The following RASSF3 variants were observed in gnomAD, a reference collection of about 807,000 sequenced individuals.
RASSF3 encodes Ras association domain family member 3, also known as ras association domain-containing protein 3.
A neutral mutation model predicts 19.9 loss-of-function variants in RASSF3; 19 were observed. The ratio of observed to expected loss-of-function variants is 0.96; its 90% CI spans 0.67 to 1.40. The LOEUF (loss-of-function observed/expected upper bound fraction) is 1.40. RASSF3 is among the 40% of genes most tolerant of loss of function. RASSF3 has a pLI of 0.00. For missense variants in RASSF3, 306 were observed against 289.8 expected (o/e 1.06, Z -0.41); for synonymous variants, 110 against 104.2 (o/e 1.06, Z -0.34).
Position 64,561,436 on chromosome 12 carries a change from C to A in RASSF3, c.294+19731C>A, listed in dbSNP as rs538710691. 6.6e-5 allele frequency among the ~76,000 whole-genome samples: 10 copies of A among 152,276 alleles called. No homozygotes were observed. In the South Asian group the frequency reaches 2.1e-3, roughly 32 times the overall value. On this transcript the variant is annotated intron_variant, in intron 2 of 5. Transcript: ENST00000637125. ...ATTGCCGCACATTTGGCATTTCTGG[C>A]CCCAGGGACTAGATGCCAGTATTCT... is the stretch of plus-strand genomic sequence containing the variant.
At chr12:64,514,361 A>G (rs1235827207) in intron 1 of RASSF3, among the ~76,000 whole-genome samples, 1 of 146,732 alleles carries the variant, frequency 6.8e-6, no homozygotes, top group South Asian at 2.2e-4. Flanking sequence ...TAATTTATGT[A>G]TTTTTAGTAG....
chr12:64,638,065 C>T (rs368943692), intron 1 of RASSF3, among the ~76,000 whole-genome samples: 4 of 151,730 alleles, frequency 2.6e-5, no homozygotes, highest in East Asian at 2.0e-4. Flanking sequence ...CTCTTGACCT[C>T]GTGATCTGCC....
rs1212993513 is a variant in RASSF3, at chr12:64,610,578, C to A, written c.-55C>A. ...GCGGGGCTGGCGGGCGCCGCACCCC[C>A]TCCCTGGCCGCCTGCGCCCCGGGGA... On this transcript the variant is annotated 5_prime_UTR_variant, in exon 1 of 5. Transcript: ENST00000542104. The A allele has an allele frequency of 1.4e-5, 15 of 1,086,192 alleles. No individual in the cohort carries two copies. The highest frequency in any genetic ancestry group is 2.2e-5 in the South Asian group (1 of 45,584). 67.3% of individuals were successfully genotyped at this position (1,086,192 alleles called of 1,614,324 possible).
intron 2 of RASSF3, among the ~76,000 whole-genome samples, chr12:64,552,769 T>G (rs1869186844): frequency 1.3e-5 from 2 of 152,194 alleles, no homozygotes; most frequent in Admixed American, 6.6e-5. Context: ...CTTTATCCAG[T>G]CTATCATTGG....
At chr12:64,542,972 T>C (rs1174053754), downstream of RASSF3, among the ~76,000 whole-genome samples, 1 of 151,372 alleles carries the variant, frequency 6.6e-6, no homozygotes, top group Non-Finnish European at 1.5e-5. Flanking sequence ...GCCAGCTAGA[T>C]AGAGTTCCGG....
intron 2 of RASSF3, among the ~76,000 whole-genome samples, chr12:64,596,752 G>A (rs551927426): frequency 2.0e-5 from 3 of 152,032 alleles, no homozygotes; most frequent in East Asian, 1.9e-4. Context: ...TTTTTGAGAC[G>A]GAGTTTTGCT....
At chr12:64,558,226 C>T (rs188229639) in intron 2 of RASSF3, among the ~76,000 whole-genome samples, 1 of 152,126 alleles carries the variant, frequency 6.6e-6, no homozygotes, top group Admixed American at 6.6e-5. Flanking sequence ...TGGGATGATG[C>T]CTGGGCTCCA....
At chr12:64,694,724 T>TTAA (rs769399984) in intron 4 of RASSF3, 39 bp from the exon 5 acceptor site, 10 of 1,611,730 alleles carry the variant, frequency 6.2e-6, no homozygotes, top group Non-Finnish European at 8.5e-6. Flanking sequence ...TAACTGAGTA[T>TTAA]TAAACATCTG....
chr12:64,627,297 C>T (rs1243207241), intron 1 of RASSF3, among the ~76,000 whole-genome samples: 3 of 152,114 alleles, frequency 2.0e-5, no homozygotes, highest in African/African-American at 7.2e-5. Context: ...TCTGCAAAGT[C>T]GTGATTTGTG....
chr12:64,647,142 T>A lies in RASSF3; in HGVS notation c.111+36399T>A, dbSNP rs114573655. On this transcript the variant is annotated intron_variant, in intron 1 of 4. Transcript: ENST00000542104. The stretch of plus-strand genomic sequence containing the variant: ...TTAGGATTTACTAACCCAATTTCTT[T>A]TATCTTTTAAACTGAGAATCCCTCC... Among the ~76,000 whole-genome samples the A allele has an allele frequency of 3.1e-3, 468 of 152,298 alleles. 1 individual carries two copies. The highest frequency in any genetic ancestry group is 0.011 in the African/African-American group (447 of 41,572).
At chr12:64,686,867 T>G (rs1873377859) in intron 2 of RASSF3, among the ~76,000 whole-genome samples, 1 of 152,182 alleles carries the variant, frequency 6.6e-6, no homozygotes, top group South Asian at 2.1e-4. Context: ...AAAATTGATC[T>G]TGTGGGAAGG....
intron 1 of RASSF3, chr12:64,622,702 A>G: frequency 4.0e-6 from 1 of 251,962 alleles, no homozygotes; most frequent in Non-Finnish European, 7.9e-6. Flanking sequence ...TCTTTTTATC[A>G]AGTGAATCTT....
intron 1 of RASSF3, among the ~76,000 whole-genome samples, chr12:64,614,509 G>A (rs1204890346): frequency 6.6e-6 from 1 of 152,116 alleles, no homozygotes; most frequent in Non-Finnish European, 1.5e-5. Context: ...ATGAAAGGGG[G>A]AGGTATTATT....
intron 1 of RASSF3, among the ~76,000 whole-genome samples, chr12:64,619,994 AAG>A (rs982639404): frequency 1.3e-4 from 8 of 60,282 alleles, no homozygotes; most frequent in African/African-American, 1.9e-4. Flanking sequence ...AAAAAAAAAA[AAG>A]AAATTAGTGC....
intron 1 of RASSF3, among the ~76,000 whole-genome samples, chr12:64,516,503 C>T (rs996849974): frequency 2.9e-4 from 43 of 150,290 alleles, no homozygotes; most frequent in African/African-American, 1.0e-3. Context: ...CCTGTAGTCC[C>T]AGCTACTTGG....
intron 1 of RASSF3, among the ~76,000 whole-genome samples, chr12:64,669,075 C>G (rs980649280): frequency 2.0e-5 from 3 of 152,102 alleles, no homozygotes; most frequent in Non-Finnish European, 4.4e-5. Context: ...TGGGTTACAC[C>G]TGGGATTGAT....
At chr12:64,509,315 TGGTG>T (rs1868313151) in intron 1 of RASSF3, among the ~76,000 whole-genome samples, 2 of 152,090 alleles carry the variant, frequency 1.3e-5, no homozygotes, top group African/African-American at 4.8e-5. Flanking sequence ...CCGGGTGTGG[TGGTG>T]GGTGCCTATA....
At chr12:64,507,875 T>C (rs1359489581) in intron 1 of RASSF3, among the ~76,000 whole-genome samples, 1 of 152,092 alleles carries the variant, frequency 6.6e-6, no homozygotes, top group Non-Finnish European at 1.5e-5. Flanking sequence ...GCCTTTTCTG[T>C]CCAGTCCTGC....
At chr12:64,574,493 C>G (rs1389598986) in intron 2 of RASSF3, among the ~76,000 whole-genome samples, 1 of 152,066 alleles carries the variant, frequency 6.6e-6, no homozygotes, top group Non-Finnish European at 1.5e-5. Flanking sequence ...TTGCAATGCC[C>G]TCAATCATGG....
Sources: allele counts gnomAD v4.1 joint callset (sites outside exome capture counted in the v4.1 genomes callset), GRCh38; gene constraint gnomAD v4.1.1; transcripts MANE v1.5; gene names NCBI Gene and HGNC (gene_info 2026-07-23, HGNC 2026-07-21).